DGLUCY: variants seen among roughly 807,000 people sequenced by gnomAD.
The protein encoded by DGLUCY is D-glutamate cyclase.
A neutral mutation model predicts 58.5 loss-of-function variants in DGLUCY; 58 were observed. That is an observed-to-expected ratio of 0.99 (90% CI 0.80 to 1.23). The LOEUF is 1.23. DGLUCY is among the 50% of genes most tolerant of loss of function. DGLUCY has a pLI of 0.00. For missense variants in DGLUCY, 779 were observed against 784.7 expected (o/e 0.99, Z 0.09); for synonymous variants, 325 against 314.1 (o/e 1.03, Z -0.37).
intron 5 of DGLUCY, among the ~76,000 whole-genome samples, chr14:91,171,753 G>T (rs545717407): frequency 6.6e-6 from 1 of 152,212 alleles, no homozygotes; most frequent in Non-Finnish European, 1.5e-5. Context: ...GAGGTGGGGT[G>T]GGGGAGCGAA....
At chr14:91,177,574 GA>G (rs1366419778) in intron 7 of DGLUCY, among the ~76,000 whole-genome samples, 22 of 152,348 alleles carry the variant, frequency 1.4e-4, no homozygotes, top group African/African-American at 5.3e-4. Context: ...AGTAAGATAG[GA>G]AGGTGACAGA....
intron 3 of DGLUCY, among the ~76,000 whole-genome samples, chr14:91,162,251 C>T (rs1284648646): frequency 6.6e-6 from 1 of 152,106 alleles, no homozygotes; most frequent in Non-Finnish European, 1.5e-5. Context: ...GGCTTTCAAT[C>T]AAATTAGAAA....
At chr14:91,137,835 A>G (rs1217531780) in intron 1 of DGLUCY, among the ~76,000 whole-genome samples, 1 of 152,040 alleles carries the variant, frequency 6.6e-6, no homozygotes, top group Non-Finnish European at 1.5e-5. Flanking sequence ...TCTAGTTTCT[A>G]TGGCCTGCCT....
At chr14:91,156,606 T>C (rs1263554958) in intron 1 of DGLUCY, among the ~76,000 whole-genome samples, 1 of 152,226 alleles carries the variant, frequency 6.6e-6, no homozygotes, top group Non-Finnish European at 1.5e-5. Context: ...GCTTGTCAGA[T>C]CTGGCTAGGG....
chr14:91,061,224 T>G (rs2140005478), intron 1 of DGLUCY, among the ~76,000 whole-genome samples: 1 of 152,282 alleles, frequency 6.6e-6, no homozygotes, highest in Admixed American at 6.5e-5. Context: ...TAAAAAGGTC[T>G]TACTCGCTCT....
chr14:91,157,474 T>C (rs1008015687), intron 1 of DGLUCY, among the ~76,000 whole-genome samples, 165 bp from the exon 2 acceptor site: 1 of 152,228 alleles, frequency 6.6e-6, no homozygotes, highest in Non-Finnish European at 1.5e-5. Context: ...GCCTTTTTTG[T>C]GTGTGGGACT....
At chr14:91,192,486 C>T (rs931368593) in intron 9 of DGLUCY, among the ~76,000 whole-genome samples, 3 of 152,120 alleles carry the variant, frequency 2.0e-5, no homozygotes, top group Non-Finnish European at 4.4e-5. Flanking sequence ...ATGGCTAAAA[C>T]AGGCCGGGCA....
chr14:91,181,782 G>A (rs1397244198), intron 8 of DGLUCY, among the ~76,000 whole-genome samples: 4 of 151,252 alleles, frequency 2.6e-5, no homozygotes, highest in Non-Finnish European at 5.9e-5. Context: ...GAGTAGCTGG[G>A]ATTACAGGCA....
chr14:91,223,713 A>G (rs1472703012), intron 13 of DGLUCY: 8 of 1,288,072 alleles, frequency 6.2e-6, no homozygotes, highest in Non-Finnish European at 8.1e-6. Context: ...GCTAAAGGCC[A>G]GAAGACCTAG....
At chr14:91,121,607 A>AG (rs2045362926) in intron 1 of DGLUCY, among the ~76,000 whole-genome samples, 4 of 74,938 alleles carry the variant, frequency 5.3e-5, no homozygotes, top group African/African-American at 1.5e-4. Context: ...ACTCCATCTC[A>AG]AAAATAATAA....
chr14:91,062,599 A>G (rs1165475198), intron 1 of DGLUCY, among the ~76,000 whole-genome samples: 1 of 30,370 alleles, frequency 3.3e-5, no homozygotes, highest in Non-Finnish European at 6.4e-5. Flanking sequence ...ATATATATAT[A>G]TATATATATA....
chr14:91,091,644 A>G (rs2044313367), intron 1 of DGLUCY, among the ~76,000 whole-genome samples: 1 of 152,238 alleles, frequency 6.6e-6, no homozygotes, highest in African/African-American at 2.4e-5. Context: ...ACAAAGGTCC[A>G]TAGCCTGTCT....
intron 1 of DGLUCY, among the ~76,000 whole-genome samples, chr14:91,122,801 G>C (rs1419195347): frequency 6.6e-6 from 1 of 151,934 alleles, no homozygotes; most frequent in African/African-American, 2.4e-5. Flanking sequence ...TAGAGACAAA[G>C]TTTCACTATA....
intron 12 of DGLUCY, among the ~76,000 whole-genome samples, chr14:91,208,908 G>A (rs576630403): frequency 6.6e-6 from 1 of 152,224 alleles, no homozygotes; most frequent in African/African-American, 2.4e-5. Flanking sequence ...AAACTCTAGG[G>A]CATCCACTAA....
chr14:91,076,773 A>G (rs1010194087), intron 1 of DGLUCY, among the ~76,000 whole-genome samples: 7 of 152,268 alleles, frequency 4.6e-5, no homozygotes, highest in Middle Eastern at 3.4e-3. Context: ...CCGTCCCAGG[A>G]GTGCTGGGGA....
At chr14:91,163,503 G>A (rs2048107130) in intron 3 of DGLUCY, among the ~76,000 whole-genome samples, 1 of 152,194 alleles carries the variant, frequency 6.6e-6, no homozygotes, top group African/African-American at 2.4e-5. Context: ...AGGCACTGTA[G>A]CGACTGTGAT....
intron 1 of DGLUCY, among the ~76,000 whole-genome samples, chr14:91,120,891 GTTC>G (rs1346314052): frequency 5.9e-5 from 9 of 152,294 alleles, no homozygotes; most frequent in East Asian, 1.9e-4. Context: ...TCTGAGGGAT[GTTC>G]TTCTTCACAT....
intron 1 of DGLUCY, among the ~76,000 whole-genome samples, chr14:91,101,392 A>G (rs887497281): frequency 5.9e-5 from 9 of 152,052 alleles, no homozygotes; most frequent in African/African-American, 2.2e-4. Flanking sequence ...ATCATGCGCT[A>G]TTTGTCTTTT....
At chr14:91,171,185 G>A (rs964240186) in intron 5 of DGLUCY, among the ~76,000 whole-genome samples, 3 of 152,142 alleles carry the variant, frequency 2.0e-5, no homozygotes, top group Non-Finnish European at 2.9e-5. Context: ...TGAGGAAACC[G>A]AGGTCTAAAG....
Sources: allele counts gnomAD v4.1 joint callset (sites outside exome capture counted in the v4.1 genomes callset), GRCh38; gene constraint gnomAD v4.1.1; transcripts MANE v1.5; gene names NCBI Gene and HGNC (gene_info 2026-07-23, HGNC 2026-07-21).